Variants in DDX53 observed in about 807,000 individuals in gnomAD.
DDX53 encodes the protein DEAD box protein 53.
For missense variants in DDX53, 481 were observed against 485.1 expected, an observed-to-expected ratio of 0.99 and a Z score of 0.08; for synonymous variants, 179 against 170.8, an observed-to-expected ratio of 1.05 and a Z score of -0.37.
Position 23,001,475 on chromosome X carries a change from T to C in DDX53, c.1418T>C (p.Phe473Ser), listed in dbSNP as rs1468360907. 8.3e-7 allele frequency: 1 copy of C among 1,210,040 alleles called. No homozygotes were observed. Among genetic ancestry groups the C allele is most frequent in the African/African-American group, 1.7e-5 (1 of 57,288 alleles). Residue 473 changes from phenylalanine to serine, a missense_variant, in exon 1 of 1, where the codon TTT (phenylalanine) becomes TCT (serine). Physicochemically the swap from Phe to Ser is radical, Grantham distance 155. Coordinates refer to ENST00000327968, the MANE Select transcript of DDX53 (RefSeq NM_182699.4). ...TCACCCAACGACAAAGTCATCATGTTTGTCAGCCAAAAACATATTGCTGAT... is the reference window on the plus strand; with the variant it reads ...TCACCCAACGACAAAGTCATCATGTCTGTCAGCCAAAAACATATTGCTGAT... ...NMSPNDKVIM[F>S]VSQKHIADDL... is the part of the protein sequence containing the mutation.
Position 23,002,079 on chromosome X carries a change from T to A in DDX53, c.*126T>A. 1.8e-6 allele frequency: 1 copy of A among 548,668 alleles called. No homozygotes were observed. The highest frequency in any genetic ancestry group is 2.8e-6 in the Non-Finnish European group (1 of 361,112). The allele number at this position is 548,668 out of a possible 1,213,427, so 45.2% of individuals were successfully genotyped here. A position where few individuals can be genotyped will look rare whatever the true frequency, so the allele number is the denominator to read the frequency against. On this transcript the variant is annotated 3_prime_UTR_variant, in exon 1 of 1. Transcript: ENST00000327968. ...ATAACTAATTCTTAAATAATACTGC[T>A]AAACTTTCAATATTGTGTATGCTCC...
At position 23,001,000 on chromosome X, in the gene DDX53, G is replaced by C. The variant is rs1461274265; in HGVS notation, c.943G>C (p.Glu315Gln). 1.7e-6 allele frequency: 2 copies of C among 1,207,837 alleles called. No individual in the cohort carries two copies. Among genetic ancestry groups the C allele is most frequent in the South Asian group, 1.8e-5 (1 of 55,803 alleles). Residue 315 changes from glutamate (E) to glutamine (Q), a missense_variant, in exon 1 of 1, where the codon GAA becomes CAA. By Grantham distance (29) the Glu-to-Gln change is conservative (BLOSUM62 2). Coordinates refer to ENST00000327968, the MANE Select transcript of DDX53 (RefSeq NM_182699.4). ...AGAGTTGGCTCTTCACGTGGAAGCT[G>C]AATGTTCAAAGTATTCATATAAAGG... ...TRELALHVEA[E>Q]CSKYSYKGLK... is the part of the protein sequence containing the mutation.
At position 23,001,368 on chromosome X, in the gene DDX53, T is replaced by C. The variant is rs1278772742; in HGVS notation, c.1311T>C (p.Ala437=). Reference sequence around the variant, plus strand: ...ATGTTGGTAATCTGAATCTAGTGGCTGTAAATACAGTGAAGCAAAATATAA... The same window carrying C: ...ATGTTGGTAATCTGAATCTAGTGGCCGTAAATACAGTGAAGCAAAATATAA... ...IVYVGNLNLV[A]VNTVKQNIIV... Residue 437 remains alanine (A), a synonymous_variant, in exon 1 of 1, where the codon GCT becomes GCC. Transcript: ENST00000327968. The C allele has an allele frequency of 1.7e-6, 2 of 1,210,569 alleles. No individual in the cohort carries two copies. Among genetic ancestry groups the C allele is most frequent in the Admixed American group, 4.4e-5 (2 of 45,957 alleles).
At position 22,999,984 on chromosome X, in the gene DDX53, G is replaced by A. The variant is rs1933780175; in HGVS notation, c.-74G>A. On this transcript the variant is annotated 5_prime_UTR_variant, in exon 1 of 1. Coordinates refer to ENST00000327968, the MANE Select transcript of DDX53 (RefSeq NM_182699.4). ...CATCTTTTGGTGCAGAAGGTGACGG[G>A]AAACAGGCCGCAGACCTGAACTTCC... 2 of 899,883 alleles carry A rather than the reference G, an allele frequency of 2.2e-6. No individual in the cohort carries two copies. The highest frequency in any genetic ancestry group is 2.9e-6 in the Non-Finnish European group (2 of 696,580). The allele number at this position is 899,883 out of a possible 1,213,427, so 74.2% of individuals were successfully genotyped here. A position where few individuals can be genotyped will look rare whatever the true frequency, so the allele number is the denominator to read the frequency against.
chrX:23,000,891 G>A lies in DDX53; in HGVS notation c.834G>A (p.Met278Ile), dbSNP rs749864183. Residue 278 changes from methionine to isoleucine, a missense_variant, in exon 1 of 1, where the codon ATG becomes ATA. By Grantham distance (10) the Met-to-Ile change is conservative. Transcript: ENST00000327968. Reference protein sequence around the residue: ...TGTGKTLSYLMPGFIHLDSQP... With the variant: ...TGTGKTLSYLIPGFIHLDSQP... ...CAGGGAAAACATTGTCCTATCTAAT[G>A]CCTGGGTTTATTCATCTTGATTCTC... 4 of 1,210,323 alleles carry A rather than the reference G, an allele frequency of 3.3e-6. No homozygotes were observed. Among genetic ancestry groups the A allele is most frequent in the South Asian group, 1.8e-5 (1 of 56,541 alleles).
Position 23,002,199 on chromosome X carries a change from A to T in DDX53, c.*246A>T, listed in dbSNP as rs1007835076. The T allele has an allele frequency of 1.4e-5, 4 of 278,581 alleles. No individual in the cohort carries two copies. Among genetic ancestry groups the T allele is most frequent in the Non-Finnish European group, 2.6e-5 (4 of 152,930 alleles). The allele number at this position is 278,581 out of a possible 1,213,427, so 23.0% of individuals were successfully genotyped here. A position where few individuals can be genotyped will look rare whatever the true frequency, so the allele number is the denominator to read the frequency against. ...TGGTTAAAGTTTAATTTCTCTTAAA[A>T]ATACTTTTATTTTAGGTTTGGGGGT... is the stretch of plus-strand genomic sequence containing the variant. On this transcript the variant is annotated 3_prime_UTR_variant, in exon 1 of 1. Transcript: ENST00000327968.
rs1933787859 is a variant in DDX53 at position 23,000,320 on chromosome X, A to T, written c.263A>T (p.Glu88Val). 8.3e-7 allele frequency: 1 copy of T among 1,206,186 alleles called. No homozygotes were observed. The highest frequency in any genetic ancestry group is 1.8e-5 in the African/African-American group (1 of 56,999). ...ACTAAAATACAGATCATAAACGGGG[A>T]ATCTGAAGCAAAAGTCAGAATTTTT... is the stretch of plus-strand genomic sequence containing the variant. ...TNTKIQIING[E>V]SEAKVRIFGN... The change falls in exon 1 of 1, where the codon GAA (glutamate) becomes GTA (valine). Residue 88 changes from glutamate to valine, a missense_variant. By Grantham distance (121) the Glu-to-Val change is moderately radical. Transcript: ENST00000327968.
Position 23,000,925 on chromosome X carries a change from T to G in DDX53, c.868T>G (p.Ser290Ala), listed in dbSNP as rs1317831702. 1.7e-6 allele frequency: 2 copies of G among 1,208,616 alleles called. No homozygotes were observed. The highest frequency in any genetic ancestry group is 2.2e-6 in the Non-Finnish European group (2 of 893,985). ...GFIHLDSQPI[S>A]REQRNGPGML... ...TATTCATCTTGATTCTCAACCAATA[T>G]CTAGAGAGCAAAGGAATGGGCCTGG... The change falls in exon 1 of 1, where the codon TCT becomes GCT. Residue 290 changes from serine (S) to alanine (A), a missense_variant. Transcript: ENST00000327968.
At position 23,001,978 on chromosome X, in the gene DDX53, A is replaced by T; in HGVS notation, c.*25A>T. The T allele has an allele frequency of 9.0e-7, 1 of 1,116,963 alleles. No individual in the cohort carries two copies. Among genetic ancestry groups the T allele is most frequent in the Non-Finnish European group, 1.2e-6 (1 of 833,558 alleles). 92.1% of individuals were successfully genotyped at this position (1,116,963 alleles called of 1,213,427 possible). A position where few individuals can be genotyped will look rare whatever the true frequency, so the allele number is the denominator to read the frequency against. ...AAAAGTTGTACCAGGCTACTGGAAG[A>T]TTCCAGGCATGTTAAAGATATGCAG... On this transcript the variant is annotated 3_prime_UTR_variant, in exon 1 of 1. Transcript: ENST00000327968.
chrX:23,001,579 C>A lies in DDX53; in HGVS notation c.1522C>A (p.Arg508=). The part of the protein sequence containing the change: ...HGNSEQSDQE[R]AVEDFKSGNI... ...CAACAGTGAACAGAGTGATCAAGAG[C>A]GAGCAGTAGAGGACTTTAAAAGCGG... The change falls in exon 1 of 1, where the codon CGA becomes AGA. Residue 508 remains arginine, a synonymous_variant. Transcript: ENST00000327968. 8.3e-7 allele frequency: 1 copy of A among 1,210,038 alleles called. No individual in the cohort carries two copies. The highest frequency in any genetic ancestry group is 1.1e-6 in the Non-Finnish European group (1 of 894,793).
chrX:23,001,901 C>T lies in DDX53; in HGVS notation c.1844C>T (p.Thr615Ile). 8.3e-7 allele frequency: 1 copy of T among 1,203,753 alleles called. No homozygotes were observed. The highest frequency in any genetic ancestry group is 1.1e-6 in the Non-Finnish European group (1 of 892,841). The stretch of plus-strand genomic sequence containing the variant: ...AATCAACAAAAGAGGCACAGAGAAA[C>T]ACGATCAAGAAAACCTGGACAAAGA... ...KLNQQKRHRETRSRKPGQRRK... is the reference protein window; with the variant it reads ...KLNQQKRHREIRSRKPGQRRK... The change falls in exon 1 of 1, where the codon ACA (threonine) becomes ATA (isoleucine). Residue 615 changes from threonine (T) to isoleucine (I), a missense_variant. Transcript: ENST00000327968.
chrX:23,002,045 T>C lies in DDX53; in HGVS notation c.*92T>C. ...GGAAGTATTGGAAACATACTAGCCATTTGAAGACATAACTAATTCTTAAAT... is the reference window on the plus strand; with the variant it reads ...GGAAGTATTGGAAACATACTAGCCACTTGAAGACATAACTAATTCTTAAAT... On this transcript the variant is annotated 3_prime_UTR_variant, in exon 1 of 1. Coordinates refer to ENST00000327968, the MANE Select transcript of DDX53 (RefSeq NM_182699.4). The C allele has an allele frequency of 1.4e-6, 1 of 708,350 alleles. No individual in the cohort carries two copies. The highest frequency in any genetic ancestry group is 2.0e-6 in the Non-Finnish European group (1 of 498,636). 58.4% of individuals were successfully genotyped at this position (708,350 alleles called of 1,213,427 possible).
rs73198945 is a variant in DDX53 at position 23,000,014 on chromosome X, G to T, written c.-44G>T. ...AGGCCGCAGACCTGAACTTCCAACC[G>T]TATGTAGGCGAGAAGCCGGTGCCGA... is the stretch of plus-strand genomic sequence containing the variant. On this transcript the variant is annotated 5_prime_UTR_variant, in exon 1 of 1. Transcript: ENST00000327968. 2.0e-6 allele frequency: 2 copies of T among 1,005,665 alleles called. No individual in the cohort carries two copies. The highest frequency in any genetic ancestry group is 2.0e-5 in the African/African-American group (1 of 50,760). 82.9% of individuals were successfully genotyped at this position (1,005,665 alleles called of 1,213,427 possible).
chrX:23,000,032 G>A lies in DDX53; in HGVS notation c.-26G>A, dbSNP rs927123683. On this transcript the variant is annotated 5_prime_UTR_variant, in exon 1 of 1. Transcript: ENST00000327968. ...TCCAACCGTATGTAGGCGAGAAGCC[G>A]GTGCCGATACTCCCACTATCCCACA... 24 of 1,042,456 alleles carry A rather than the reference G, an allele frequency of 2.3e-5. No individual in the cohort carries two copies. The highest frequency in any genetic ancestry group is 3.5e-5 in the East Asian group (1 of 28,544). The allele number at this position is 1,042,456 out of a possible 1,213,427, so 85.9% of individuals were successfully genotyped here.
chrX:23,000,715 A>G lies in DDX53; in HGVS notation c.658A>G (p.Thr220Ala). The G allele has an allele frequency of 8.3e-7, 1 of 1,211,692 alleles. No homozygotes were observed. The highest frequency in any genetic ancestry group is 1.1e-6 in the Non-Finnish European group (1 of 895,440). Reference protein sequence around the residue: ...SGEKRLIPKPTCRFKDAFQQY... With the variant: ...SGEKRLIPKPACRFKDAFQQY... Reference sequence around the variant, plus strand: ...TGAAAAGCGTCTCATTCCAAAACCAACTTGCAGGTTTAAAGACGCTTTTCA... The same window carrying G: ...TGAAAAGCGTCTCATTCCAAAACCAGCTTGCAGGTTTAAAGACGCTTTTCA... Residue 220 changes from threonine (T) to alanine (A), a missense_variant, in exon 1 of 1, where the codon ACT (threonine) becomes GCT (alanine). Physicochemically the swap from Thr to Ala is moderately conservative, Grantham distance 58. Coordinates refer to ENST00000327968, the MANE Select transcript of DDX53 (RefSeq NM_182699.4).
Position 23,001,046 on chromosome X carries a change from A to G in DDX53, c.989A>G (p.Tyr330Cys), listed in dbSNP as rs1933802340. ...SYKGLKSICI[Y>C]GGRNRNGQIE... ...AAAGGTCTCAAAAGCATTTGCATATATGGTGGTAGAAACAGAAATGGACAA... is the reference window on the plus strand; with the variant it reads ...AAAGGTCTCAAAAGCATTTGCATATGTGGTGGTAGAAACAGAAATGGACAA... Residue 330 changes from tyrosine to cysteine, a missense_variant, in exon 1 of 1, where the codon TAT becomes TGT. Transcript: ENST00000327968. The G allele has an allele frequency of 1.7e-6, 2 of 1,204,512 alleles. No individual in the cohort carries two copies. The highest frequency in any genetic ancestry group is 1.8e-5 in the African/African-American group (1 of 57,101).
At position 23,000,532 on chromosome X, in the gene DDX53, G is replaced by C. The variant is rs1569253347; in HGVS notation, c.475G>C (p.Ala159Pro). 2 of 1,211,587 alleles carry C rather than the reference G, an allele frequency of 1.7e-6. No individual in the cohort carries two copies. Among genetic ancestry groups the C allele is most frequent in the East Asian group, 5.9e-5 (2 of 33,824 alleles). ...GTCAAATTGGGATCGCATTAGGGCA[G>C]CAGTCGTGGAGTGCGAAAAGAGAAA... is the stretch of plus-strand genomic sequence containing the variant. Reference protein sequence around the residue: ...PLSNWDRIRAAVVECEKRKWA... With the variant: ...PLSNWDRIRAPVVECEKRKWA... The change falls in exon 1 of 1, where the codon GCA becomes CCA. Residue 159 changes from alanine (A) to proline (P), a missense_variant. Physicochemically the swap from Ala to Pro is conservative, Grantham distance 27 (BLOSUM62 -1). Transcript: ENST00000327968.
chrX:23,000,065 A>C lies in DDX53; in HGVS notation c.8A>C (p.His3Pro). The C allele has an allele frequency of 2.7e-6, 3 of 1,106,717 alleles. No homozygotes were observed. Among genetic ancestry groups the C allele is most frequent in the Non-Finnish European group, 3.5e-6 (3 of 846,100 alleles). 91.2% of individuals were successfully genotyped at this position (1,106,717 alleles called of 1,213,427 possible). Residue 3 changes from histidine to proline, a missense_variant, in exon 1 of 1, where the codon CAC becomes CCC. His to Pro is a moderately conservative substitution (Grantham distance 77). Coordinates refer to ENST00000327968, the MANE Select transcript of DDX53 (RefSeq NM_182699.4). MS[H>P]WAPEWKRAEA... ...TACTCCCACTATCCCACAATGTCCCACTGGGCCCCAGAGTGGAAGAGGGCG... is the reference window on the plus strand; with the variant it reads ...TACTCCCACTATCCCACAATGTCCCCCTGGGCCCCAGAGTGGAAGAGGGCG...
At position 23,001,044 on chromosome X, in the gene DDX53, A is replaced by G. The variant is rs1933802266; in HGVS notation, c.987A>G (p.Ile329Met). ...YSYKGLKSIC[I>M]YGGRNRNGQI... Reference sequence around the variant, plus strand: ...ATAAAGGTCTCAAAAGCATTTGCATATATGGTGGTAGAAACAGAAATGGAC... The same window carrying G: ...ATAAAGGTCTCAAAAGCATTTGCATGTATGGTGGTAGAAACAGAAATGGAC... Residue 329 changes from isoleucine to methionine, a missense_variant, in exon 1 of 1, where the codon ATA (isoleucine) becomes ATG (methionine). Transcript: ENST00000327968. The G allele has an allele frequency of 3.3e-6, 4 of 1,204,388 alleles. No homozygotes were observed. Among genetic ancestry groups the G allele is most frequent in the Non-Finnish European group, 3.4e-6 (3 of 893,064 alleles).
Sources: gnomAD v4.1 joint callset for allele counts on GRCh38, gnomAD v4.1.1 for gene constraint, MANE v1.5 for transcripts, NCBI Gene and HGNC (gene_info 2026-07-23, HGNC 2026-07-21) for gene names.